Variants in NFIA observed in about 807,000 individuals in gnomAD.
NFIA encodes nuclear factor 1 A-type.
Under a neutral mutation model 62.8 loss-of-function variants are expected in NFIA, and 8 were observed. The observed-to-expected ratio is 0.13, with a 90% CI of 0.07 to 0.23. NFIA has a LOEUF of 0.23. Among genes scored for constraint, NFIA ranks in the 10% least tolerant of loss-of-function variants. The pLI, the probability that NFIA is intolerant of heterozygous loss-of-function variation, is 1.00. For synonymous variants in NFIA, 235 were observed against 238.1 expected (o/e 0.99, Z 0.12); for missense variants, 410 against 642.1 (o/e 0.64, Z 3.91).
chr1:61,384,833 AC>A lies in NFIA; in HGVS notation c.1075+1469del, dbSNP rs544162361. On this transcript the variant is annotated intron_variant, in intron 7 of 10. Transcript: ENST00000403491. ...CCGTGGAGGTTCATTCACTCTTTAA[AC>A]AAGGATTTACTGAGTGCCTCTATAG... Among the ~76,000 whole-genome samples the A allele has an allele frequency of 1.3e-5, 2 of 152,140 alleles. 1 individual carries two copies. The highest frequency in any genetic ancestry group is 4.1e-4 in the South Asian group (2 of 4,822).
intron 10 of NFIA, among the ~76,000 whole-genome samples, chr1:61,446,865 C>T (rs757916191): frequency 2.0e-5 from 3 of 152,128 alleles, no homozygotes; most frequent in Non-Finnish European, 4.4e-5. Context: ...CGAGGAGGCA[C>T]GGAGTAGAAT....
intron 9 of NFIA, among the ~76,000 whole-genome samples, chr1:61,417,449 C>A (rs1044586184): frequency 1.7e-4 from 25 of 151,304 alleles, no homozygotes; most frequent in African/African-American, 5.3e-4. Flanking sequence ...TTTCTTCTAA[C>A]CTATGGAGTA....
intron 2 of NFIA, among the ~76,000 whole-genome samples, chr1:61,118,553 A>G (rs1447231072): frequency 2.0e-5 from 3 of 152,158 alleles, no homozygotes; most frequent in African/African-American, 7.2e-5. Context: ...GTGATAGAGA[A>G]TAACTAAGAG....
chr1:61,141,165 A>G (rs1165629432), intron 2 of NFIA, among the ~76,000 whole-genome samples: 1 of 152,070 alleles, frequency 6.6e-6, no homozygotes, highest in East Asian at 1.9e-4. Context: ...GTGTCTGGTG[A>G]AAGTAGGGGT....
chr1:61,363,615 AATT>A (rs1292180302), intron 6 of NFIA, among the ~76,000 whole-genome samples: 2 of 151,812 alleles, frequency 1.3e-5, no homozygotes, highest in African/African-American at 4.8e-5. Flanking sequence ...AAAAAAAAAA[AATT>A]ATAATAAGAA....
At chr1:61,186,024 A>G (rs1037317319) in intron 2 of NFIA, among the ~76,000 whole-genome samples, 2 of 152,192 alleles carry the variant, frequency 1.3e-5, no homozygotes, top group Non-Finnish European at 2.9e-5. Flanking sequence ...ATTGGGAATA[A>G]AATGTTGGGC....
chr1:61,337,187 A>G (rs1298923631), intron 4 of NFIA, among the ~76,000 whole-genome samples: 1 of 152,202 alleles, frequency 6.6e-6, no homozygotes, highest in South Asian at 2.1e-4. Flanking sequence ...GGATGAGGCA[A>G]CAAGGATGCT....
chr1:61,352,787 A>ACG (rs1403995694), intron 5 of NFIA, among the ~76,000 whole-genome samples: 2 of 148,296 alleles, frequency 1.3e-5, no homozygotes, highest in Admixed American at 6.7e-5. Context: ...ACACACACGC[A>ACG]CACACACTAA....
At chr1:61,379,547 A>G (rs1441826722) in intron 6 of NFIA, among the ~76,000 whole-genome samples, 5 of 151,288 alleles carry the variant, frequency 3.3e-5, no homozygotes, top group Non-Finnish European at 7.4e-5. Flanking sequence ...AGCTGGGACT[A>G]CAGGCACATG....
intron 2 of NFIA, among the ~76,000 whole-genome samples, chr1:61,128,559 C>T (rs1398444236): frequency 3.3e-5 from 5 of 152,110 alleles, no homozygotes; most frequent in Middle Eastern, 3.4e-3. Flanking sequence ...AGCCACTGTA[C>T]CCCAACCTGG....
At chr1:61,358,235 A>G (rs1304699238) in intron 5 of NFIA, among the ~76,000 whole-genome samples, 3 of 151,642 alleles carry the variant, frequency 2.0e-5, no homozygotes, top group Non-Finnish European at 4.4e-5. Flanking sequence ...TCACTGATTT[A>G]TTTCTAGTAT....
At chr1:61,238,829 G>A (rs1341572789) in intron 2 of NFIA, among the ~76,000 whole-genome samples, 1 of 152,112 alleles carries the variant, frequency 6.6e-6, no homozygotes, top group African/African-American at 2.4e-5. Flanking sequence ...ACATTATAAT[G>A]TGTCAGGGAA....
intron 2 of NFIA, among the ~76,000 whole-genome samples, chr1:61,218,812 T>C (rs1439412563): frequency 1.3e-5 from 2 of 152,244 alleles, no homozygotes; most frequent in Non-Finnish European, 1.5e-5. Flanking sequence ...TTTATTATTA[T>C]AATTAATGTG....
intron 2 of NFIA, among the ~76,000 whole-genome samples, chr1:61,138,434 C>G (rs575385892): frequency 2.0e-5 from 3 of 152,196 alleles, no homozygotes; most frequent in Admixed American, 2.0e-4. Flanking sequence ...CCCCACCACC[C>G]TTAGAGGTAG....
At chr1:61,450,157 G>A (rs988015836) in intron 10 of NFIA, among the ~76,000 whole-genome samples, 6 of 152,206 alleles carry the variant, frequency 3.9e-5, no homozygotes, top group Non-Finnish European at 8.8e-5. Flanking sequence ...ACAGGGCAGG[G>A]ACTATATTTT....
At chr1:61,083,921 A>T (rs1646171343) in intron 1 of NFIA, among the ~76,000 whole-genome samples, 1 of 149,966 alleles carries the variant, frequency 6.7e-6, no homozygotes. Context: ...TCCCTTGTCT[A>T]CCCACCCCCA....
At chr1:61,198,928 T>C (rs1474831305) in intron 2 of NFIA, among the ~76,000 whole-genome samples, 1 of 152,178 alleles carries the variant, frequency 6.6e-6, no homozygotes, top group Non-Finnish European at 1.5e-5. Context: ...GCCCCCCTCC[T>C]TCATCACTCT....
intron 2 of NFIA, among the ~76,000 whole-genome samples, chr1:61,177,491 C>T (rs1650457188): frequency 6.6e-6 from 1 of 152,120 alleles, no homozygotes; most frequent in African/African-American, 2.4e-5. Flanking sequence ...TGCATTATCA[C>T]ATTTAATGCT....
intron 2 of NFIA, among the ~76,000 whole-genome samples, chr1:61,185,300 A>G (rs1453860979): frequency 6.6e-6 from 1 of 152,210 alleles, no homozygotes; most frequent in African/African-American, 2.4e-5. Flanking sequence ...TTGAATTTGA[A>G]TAAACAACTG....
Sources: allele counts gnomAD v4.1 joint callset (sites outside exome capture counted in the v4.1 genomes callset), GRCh38; gene constraint gnomAD v4.1.1; transcripts MANE v1.5; gene names NCBI Gene and HGNC (gene_info 2026-07-23, HGNC 2026-07-21).